Variants in CGNL1 observed in about 807,000 individuals in gnomAD.
CGNL1 encodes the protein cingulin like 1, also known as cingulin-like protein 1.
Under a neutral mutation model 141.2 loss-of-function variants are expected in CGNL1, and 132 were observed. The observed-to-expected ratio is 0.93, with a 90% CI of 0.81 to 1.08. The LOEUF (loss-of-function observed/expected upper bound fraction) is 1.08, where lower values mean the gene tolerates loss of function less well. Among genes scored for constraint, CGNL1 ranks in the 50% least tolerant of loss-of-function variants. The pLI is 0.00. For synonymous variants in CGNL1, 690 were observed against 622.1 expected, an observed-to-expected ratio of 1.11 and a Z score of -1.63; for missense variants, 1,870 against 1,588.6, an observed-to-expected ratio of 1.18 and a Z score of -3.01.
rs145594414 is a variant in CGNL1, at chr15:57,547,370, G to A, written c.3789G>A (p.Pro1263=). The A allele has an allele frequency of 4.1e-4, 660 of 1,614,184 alleles. 4 individuals carry two copies. The African/African-American group carries it at 7.6e-3, about 19-fold the overall frequency. ...ATTTCAGCAGACTGAAGAAGCTGCC[G>A]AGTAAAGTGCTGGATGACATGGATG... ...MKKDLRLKKL[P]SKVLDDMDDD... is the part of the protein sequence containing the mutation. The change falls in exon 19 of 19, where the codon CCG becomes CCA. Residue 1263 remains proline (P), a synonymous_variant. Coordinates refer to ENST00000281282, the MANE Select transcript of CGNL1 (RefSeq NM_032866.5).
intron 8 of CGNL1, among the ~76,000 whole-genome samples, chr15:57,504,141 G>A (rs1425457390): frequency 1.3e-5 from 2 of 152,082 alleles, no homozygotes; most frequent in Non-Finnish European, 2.9e-5. Context: ...ATGATGATGA[G>A]GGTTAGCAGA....
rs767365274 is a variant in CGNL1, at chr15:57,440,416, C to G, written c.1642C>G (p.Gln548Glu). The G allele has an allele frequency of 1.9e-6, 3 of 1,603,070 alleles. No homozygotes were observed. Among genetic ancestry groups the G allele is most frequent in the Admixed American group, 1.7e-5 (1 of 58,958 alleles). Reference sequence around the variant, plus strand: ...CTTAAAGGGCCAGCAAGAGCTCACTCAGCAAACCAATGAGGAGACAGCTAA... The same window carrying G: ...CTTAAAGGGCCAGCAAGAGCTCACTGAGCAAACCAATGAGGAGACAGCTAA... ...DLLKGQQELT[Q>E]QTNEETAKQI... is the part of the protein sequence containing the mutation. Residue 548 changes from glutamine (Q) to glutamate (E), a missense_variant, in exon 3 of 19, where the codon CAG becomes GAG. Coordinates refer to ENST00000281282, the MANE Select transcript of CGNL1 (RefSeq NM_032866.5).
chr15:57,427,805 A>C (rs539933103), intron 1 of CGNL1, among the ~76,000 whole-genome samples: 1 of 152,268 alleles, frequency 6.6e-6, no homozygotes, highest in African/African-American at 2.4e-5. Context: ...TGATAACCCC[A>C]GGGCCTAATT....
intron 1 of CGNL1, among the ~76,000 whole-genome samples, chr15:57,379,021 A>G (rs73419502): frequency 0.02 from 3,095 of 152,068 alleles, 96 homozygotes; most frequent in African/African-American, 0.07. Context: ...GCAAGACTAT[A>G]TGGAAAGTGT....
chr15:57,377,919 A>G (rs2062383270), intron 1 of CGNL1, among the ~76,000 whole-genome samples: 1 of 152,264 alleles, frequency 6.6e-6, no homozygotes, highest in African/African-American at 2.4e-5. Context: ...ATGGAGTTGC[A>G]TAAATGTGGA....
intron 1 of CGNL1, among the ~76,000 whole-genome samples, chr15:57,408,413 C>T (rs561784973): frequency 2.0e-4 from 30 of 152,186 alleles, no homozygotes; most frequent in African/African-American, 7.2e-4. Context: ...CCAGGTGAGC[C>T]TTTTGGAATC....
intron 8 of CGNL1, among the ~76,000 whole-genome samples, chr15:57,481,598 C>T (rs1045956010): frequency 1.3e-5 from 2 of 152,144 alleles, no homozygotes; most frequent in African/African-American, 4.8e-5. Flanking sequence ...CATTGAAGGA[C>T]TTATGGGATG....
chr15:57,515,533 G>A (rs1397834870), intron 8 of CGNL1, among the ~76,000 whole-genome samples: 1 of 152,200 alleles, frequency 6.6e-6, no homozygotes, highest in African/African-American at 2.4e-5. Flanking sequence ...GTAGCATTGT[G>A]TTGTAGGCAT....
chr15:57,448,924 G>C (rs2152318411), intron 4 of CGNL1, among the ~76,000 whole-genome samples: 1 of 152,224 alleles, frequency 6.6e-6, no homozygotes, highest in South Asian at 2.1e-4. Flanking sequence ...TGTTTTGACA[G>C]ACAGTTAAAT....
At chr15:57,442,182 G>GGAAAA (rs1491455852) in intron 3 of CGNL1, among the ~76,000 whole-genome samples, 191 bp from the exon 4 acceptor site, 19 of 96,492 alleles carry the variant, frequency 2.0e-4, no homozygotes, top group South Asian at 3.9e-4. Context: ...TCATTTATTT[G>GGAAAA]AAAAAAAAAA....
chr15:57,484,037 A>G (rs747849476), intron 8 of CGNL1, among the ~76,000 whole-genome samples: 1 of 152,162 alleles, frequency 6.6e-6, no homozygotes, highest in African/African-American at 2.4e-5. Flanking sequence ...AATGAAATAT[A>G]TTGGCTTATA....
intron 1 of CGNL1, among the ~76,000 whole-genome samples, chr15:57,381,758 A>G (rs1361540512): frequency 6.6e-6 from 1 of 151,758 alleles, no homozygotes; most frequent in African/African-American, 2.4e-5. Flanking sequence ...ATTTTCCTCT[A>G]CCTCGTGTAA....
intron 10 of CGNL1, among the ~76,000 whole-genome samples, chr15:57,518,937 G>A (rs1416356571): frequency 2.0e-5 from 3 of 152,220 alleles, no homozygotes; most frequent in Non-Finnish European, 2.9e-5. Context: ...CCTCCGAGGC[G>A]GTGTGGAGTC....
At chr15:57,460,598 G>A (rs577421676) in intron 7 of CGNL1, among the ~76,000 whole-genome samples, 14 of 152,300 alleles carry the variant, frequency 9.2e-5, no homozygotes, top group African/African-American at 3.4e-4. Flanking sequence ...AGAAGGGGAA[G>A]CAGGCACCTT....
intron 12 of CGNL1, chr15:57,527,490 G>A (rs2031684540): frequency 2.0e-5 from 3 of 152,224 alleles, no homozygotes; most frequent in Admixed American, 2.0e-4. Context: ...ACTCCAAGAG[G>A]GTAGGACACT....
At chr15:57,546,335 C>T in intron 18 of CGNL1, 96 bp downstream of exon 18, 1 of 1,372,962 alleles carries the variant, frequency 7.3e-7, no homozygotes, top group East Asian at 2.5e-5. Context: ...TGTCTCAAGC[C>T]AGCTCCTCAT....
At chr15:57,468,584 G>GTGTT (rs1314610825) in intron 8 of CGNL1, among the ~76,000 whole-genome samples, 1 of 144,672 alleles carries the variant, frequency 6.9e-6, no homozygotes, top group Non-Finnish European at 1.6e-5. Context: ...GTGTGTGTGT[G>GTGTT]TGTGTGTTAA....
intron 14 of CGNL1, among the ~76,000 whole-genome samples, chr15:57,536,772 G>C (rs779463496): frequency 6.6e-6 from 1 of 152,180 alleles, no homozygotes; most frequent in Non-Finnish European, 1.5e-5. Flanking sequence ...GTTGTTTTCA[G>C]GGCTTTCAAG....
chr15:57,503,989 C>T (rs181733655), intron 8 of CGNL1, among the ~76,000 whole-genome samples: 2 of 152,136 alleles, frequency 1.3e-5, no homozygotes, highest in Admixed American at 1.3e-4. Flanking sequence ...GGTTATTGAG[C>T]AGCTGCCCCC....
Sources: gnomAD v4.1 joint callset for allele counts (sites outside exome capture counted in the v4.1 genomes callset) on GRCh38, gnomAD v4.1.1 for gene constraint, MANE v1.5 for transcripts, NCBI Gene and HGNC (gene_info 2026-07-23, HGNC 2026-07-21) for gene names.